QTMAN: variants seen among roughly 807,000 people sequenced by gnomAD.
QTMAN encodes queuosine-tRNA mannosyltransferase, also known as tRNA-queuosine alpha-mannosyltransferase.
the QTMAN span, among the ~76,000 whole-genome samples, chr2:144,174,576 T>G: frequency 6.6e-6 from 1 of 152,194 alleles, no homozygotes; most frequent in Admixed American, 6.6e-5. Context: ...TACCCAAATT[T>G]CATCTTCAAT....
the QTMAN span, among the ~76,000 whole-genome samples, chr2:144,009,417 A>C: frequency 1.3e-5 from 2 of 152,200 alleles, 1 homozygote. Context: ...AACACTAAGA[A>C]ACAATGGAGG....
the QTMAN span, among the ~76,000 whole-genome samples, chr2:144,218,119 C>T: frequency 6.6e-6 from 1 of 152,138 alleles, no homozygotes; most frequent in Non-Finnish European, 1.5e-5. Flanking sequence ...CGATTTCTTC[C>T]TAATTCATTC....
the QTMAN span, among the ~76,000 whole-genome samples, chr2:143,990,905 A>G: frequency 1.3e-5 from 2 of 152,334 alleles, no homozygotes; most frequent in East Asian, 3.9e-4. Flanking sequence ...AGAGCAAGGC[A>G]CTATTAAAAG....
At chr2:144,144,285 T>C in the QTMAN span, among the ~76,000 whole-genome samples, 1 of 151,900 alleles carries the variant, frequency 6.6e-6, no homozygotes, top group Non-Finnish European at 1.5e-5. Flanking sequence ...AGATCCAAGA[T>C]AGTTTACAGA....
the QTMAN span, among the ~76,000 whole-genome samples, chr2:144,283,429 T>C: frequency 6.6e-6 from 1 of 152,192 alleles, no homozygotes; most frequent in African/African-American, 2.4e-5. Flanking sequence ...AAAAAACAGT[T>C]GTTTTCTCCT....
the QTMAN span, among the ~76,000 whole-genome samples, chr2:144,330,509 C>T: frequency 3.0e-3 from 455 of 152,184 alleles, 4 homozygotes; most frequent in African/African-American, 0.01. Flanking sequence ...GTAGGCTATC[C>T]GAATCAAAAA....
the QTMAN span, among the ~76,000 whole-genome samples, chr2:144,135,417 A>C: frequency 6.6e-6 from 1 of 152,186 alleles, no homozygotes; most frequent in East Asian, 1.9e-4. Flanking sequence ...AAATTAAAAA[A>C]AAGATGTTTT....
the QTMAN span, among the ~76,000 whole-genome samples, chr2:143,963,534 C>G: frequency 1.7e-4 from 25 of 150,946 alleles, no homozygotes; most frequent in African/African-American, 5.3e-4. Context: ...TTGAAAAGTT[C>G]TCACTTCATA....
At chr2:144,324,188 G>A in the QTMAN span, among the ~76,000 whole-genome samples, 1 of 152,104 alleles carries the variant, frequency 6.6e-6, no homozygotes, top group Non-Finnish European at 1.5e-5. Flanking sequence ...ACTCTGCCTT[G>A]CTATACCACG....
At chr2:144,272,746 CGTGT>C in the QTMAN span, among the ~76,000 whole-genome samples, 9 of 151,902 alleles carry the variant, frequency 5.9e-5, no homozygotes, top group South Asian at 2.1e-4. Flanking sequence ...TGCATGCATG[CGTGT>C]GTGTATGTGT....
chr2:144,149,964 G>A, the QTMAN span, among the ~76,000 whole-genome samples: 2 of 152,010 alleles, frequency 1.3e-5, no homozygotes, highest in East Asian at 3.9e-4. Flanking sequence ...CAGAAGGGAA[G>A]TGAAATGAGT....
the QTMAN span, among the ~76,000 whole-genome samples, chr2:144,222,437 G>A: frequency 6.6e-6 from 1 of 151,930 alleles, no homozygotes; most frequent in Admixed American, 6.6e-5. Flanking sequence ...TGAAATAAGG[G>A]GAAATATTTA....
chr2:144,241,587 T>C, the QTMAN span, among the ~76,000 whole-genome samples: 4 of 152,194 alleles, frequency 2.6e-5, no homozygotes, highest in East Asian at 7.7e-4. Context: ...TTTTTAAAAT[T>C]CCACAATTAC....
the QTMAN span, among the ~76,000 whole-genome samples, chr2:144,132,376 T>A: frequency 6.6e-6 from 1 of 152,072 alleles, no homozygotes; most frequent in African/African-American, 2.4e-5. Context: ...TACTTTTCAA[T>A]GGTATGTTCC....
At chr2:143,993,104 C>T in the QTMAN span, among the ~76,000 whole-genome samples, 3 of 149,606 alleles carry the variant, frequency 2.0e-5, no homozygotes, top group African/African-American at 7.7e-5. Context: ...TGAAAAGTTA[C>T]TTATTCTATT....
chr2:144,192,820 G>A, the QTMAN span, among the ~76,000 whole-genome samples: 4 of 152,234 alleles, frequency 2.6e-5, no homozygotes, highest in African/African-American at 2.4e-5. Context: ...AACAAGAAAC[G>A]TTTATTATGT....
At chr2:144,192,911 T>C in the QTMAN span, among the ~76,000 whole-genome samples, 2 of 152,228 alleles carry the variant, frequency 1.3e-5, no homozygotes, top group African/African-American at 2.4e-5. Context: ...GCAGCTATGA[T>C]GTTCAGCTGT....
At chr2:144,110,255 G>A in the QTMAN span, among the ~76,000 whole-genome samples, 3 of 152,234 alleles carry the variant, frequency 2.0e-5, no homozygotes, top group East Asian at 5.8e-4. Flanking sequence ...CATGGATGAA[G>A]CTGGAAACCA....
chr2:143,986,873 G>A, the QTMAN span, among the ~76,000 whole-genome samples: 1 of 152,184 alleles, frequency 6.6e-6, no homozygotes, highest in Non-Finnish European at 1.5e-5. Context: ...GTTAAAGGAA[G>A]ATCAGGAGGG....
Sources: gnomAD v4.1 joint callset for allele counts (sites outside exome capture counted in the v4.1 genomes callset) on GRCh38, gnomAD v4.1.1 for gene constraint, MANE v1.5 for transcripts, NCBI Gene and HGNC (gene_info 2026-07-23, HGNC 2026-07-21) for gene names.